VSTM4: variants seen among roughly 807,000 people sequenced by gnomAD.
The protein encoded by VSTM4 is V-set and transmembrane domain containing 4.
Under a neutral mutation model 36.4 loss-of-function variants are expected in VSTM4, and 20 were observed. The ratio of observed to expected loss-of-function variants is 0.55; its 90% confidence interval spans 0.39 to 0.80. The LOEUF is 0.80. VSTM4 is among the 30% of genes least tolerant of loss of function. The pLI is 0.00. For synonymous variants in VSTM4, 182 were observed against 173.9 expected (o/e 1.05, Z -0.37); for missense variants, 392 against 404.5 (o/e 0.97, Z 0.26).
intron 2 of VSTM4, among the ~76,000 whole-genome samples, chr10:49,093,460 T>G (rs1220951185): frequency 6.6e-6 from 1 of 152,232 alleles, no homozygotes; most frequent in African/African-American, 2.4e-5. Context: ...GAACACAGCT[T>G]TCAAGAAACA....
chr10:49,016,833 G>C lies in VSTM4; in HGVS notation c.*2817C>G, dbSNP rs1311497072. ...AGGCCTCGGGGCTTTGGCTTGGCAA[G>C]ACAGTTTCACCCAGGTGGATGCCCC... On this transcript the variant is annotated 3_prime_UTR_variant, in exon 8 of 8. Coordinates refer to ENST00000332853, the MANE Select transcript of VSTM4 (RefSeq NM_001031746.5). The C allele has an allele frequency of 6.6e-6, 1 of 152,272 alleles. No homozygotes were observed. The highest frequency in any genetic ancestry group is 2.4e-5 in the African/African-American group (1 of 41,466). 9.4% of individuals were successfully genotyped at this position (152,272 alleles called of 1,614,324 possible). A position where few individuals can be genotyped will look rare whatever the true frequency, so the allele number is the denominator to read the frequency against.
rs1843076324 is a variant in VSTM4, at chr10:49,014,591, C to G, written c.*5059G>C. On this transcript the variant is annotated 3_prime_UTR_variant, in exon 8 of 8. Transcript: ENST00000332853. ...ACAGCTCAGCGCCCACGTCTGTTAG[C>G]CTTAGGCACTGGGGAATGTTTTTTT... is the stretch of plus-strand genomic sequence containing the variant. 1 of 139,044 alleles carries G rather than the reference C, an allele frequency of 7.2e-6. No individual in the cohort carries two copies. The highest frequency in any genetic ancestry group is 2.2e-4 in the East Asian group (1 of 4,640). 8.6% of individuals were successfully genotyped at this position (139,044 alleles called of 1,614,324 possible). A position where few individuals can be genotyped will look rare whatever the true frequency, so the allele number is the denominator to read the frequency against.
At chr10:49,097,293 C>T (rs1243825832) in intron 2 of VSTM4, among the ~76,000 whole-genome samples, 2 of 152,204 alleles carry the variant, frequency 1.3e-5, no homozygotes, top group Non-Finnish European at 2.9e-5. Flanking sequence ...CACCGGGGGC[C>T]TCCTCCTGCT....
intron 7 of VSTM4, among the ~76,000 whole-genome samples, chr10:49,034,673 C>T (rs924203161): frequency 1.3e-5 from 2 of 152,134 alleles, no homozygotes; most frequent in Non-Finnish European, 1.5e-5. Flanking sequence ...GGGTGCCTAG[C>T]TTGATGTTAC....
At chr10:49,098,224 C>G (rs570510008) in intron 2 of VSTM4, among the ~76,000 whole-genome samples, 12 of 152,358 alleles carry the variant, frequency 7.9e-5, no homozygotes, top group Admixed American at 5.2e-4. Context: ...CAGGCCTCAG[C>G]CTTCCTCACC....
chr10:49,019,451 C>G lies in VSTM4; in HGVS notation c.*199G>C, dbSNP rs746597378. 1 of 545,908 alleles carries G rather than the reference C, an allele frequency of 1.8e-6. No individual in the cohort carries two copies. The highest frequency in any genetic ancestry group is 3.7e-5 in the East Asian group (1 of 26,832). The allele number at this position is 545,908 out of a possible 1,614,324, so 33.8% of individuals were successfully genotyped here. ...CCAGGCGCATCTTGTCCCGGGAGAT[C>G]TGTCAAGAGCTGTGGCCCCGATTCT... On this transcript the variant is annotated 3_prime_UTR_variant, in exon 8 of 8. Transcript: ENST00000332853.
At chr10:49,076,647 G>C (rs1489044009) in intron 4 of VSTM4, among the ~76,000 whole-genome samples, 1 of 152,094 alleles carries the variant, frequency 6.6e-6, no homozygotes, top group Non-Finnish European at 1.5e-5. Context: ...AGATATGAGA[G>C]TCATGAGAAC....
intron 4 of VSTM4, among the ~76,000 whole-genome samples, chr10:49,074,633 G>A (rs1414734973): frequency 6.6e-6 from 1 of 152,182 alleles, no homozygotes; most frequent in Non-Finnish European, 1.5e-5. Flanking sequence ...CCTGGCTCCT[G>A]GAGGTGCATG....
At chr10:49,065,812 T>TA (rs1358021768) in intron 4 of VSTM4, among the ~76,000 whole-genome samples, 1 of 152,158 alleles carries the variant, frequency 6.6e-6, no homozygotes, top group Non-Finnish European at 1.5e-5. Context: ...GGTGATCTGT[T>TA]ACGCAGCTTC....
intron 3 of VSTM4, among the ~76,000 whole-genome samples, chr10:49,080,772 G>C (rs745696681): frequency 6.6e-6 from 1 of 152,234 alleles, no homozygotes; most frequent in Non-Finnish European, 1.5e-5. Flanking sequence ...CTCCTAGGAA[G>C]CTACTGGGAA....
At chr10:49,103,443 C>G (rs1259844005) in intron 2 of VSTM4, 1 of 867,808 alleles carries the variant, frequency 1.2e-6, no homozygotes, top group Non-Finnish European at 1.4e-6. Context: ...TATGGTAAGT[C>G]ATTTTTATTT....
chr10:49,058,876 T>C (rs912848504), intron 5 of VSTM4, among the ~76,000 whole-genome samples: 14 of 152,070 alleles, frequency 9.2e-5, no homozygotes, highest in Admixed American at 1.3e-4. Flanking sequence ...TAGGAAGAAA[T>C]GGTCAGAAGC....
rs563816877 is a variant in VSTM4 at position 49,107,776 on chromosome 10, C to T, written c.275G>A (p.Arg92His). The change falls in exon 2 of 8, where the codon CGC (arginine) becomes CAC (histidine). Residue 92 changes from arginine (R) to histidine (H), a missense_variant. By Grantham distance (29) the Arg-to-His change is conservative. Coordinates refer to ENST00000332853, the MANE Select transcript of VSTM4 (RefSeq NM_001031746.5). ...RVVQYYGNFS[R>H]SAKRRRLRLL... ...GCGCAGCCTCCGCCGTTTGGCGCTGCGGCTGAAATTCCCATAGTACTGCAC... is the reference window on the plus strand; with the variant it reads ...GCGCAGCCTCCGCCGTTTGGCGCTGTGGCTGAAATTCCCATAGTACTGCAC... 1.4e-5 allele frequency: 22 copies of T among 1,614,250 alleles called. No individual in the cohort carries two copies. Among genetic ancestry groups the T allele is most frequent in the South Asian group, 3.3e-5 (3 of 91,090 alleles).
At chr10:49,077,980 C>G (rs546500534) in intron 3 of VSTM4, among the ~76,000 whole-genome samples, 32 of 146,222 alleles carry the variant, frequency 2.2e-4, no homozygotes, top group African/African-American at 8.1e-4. Flanking sequence ...CCACACAATC[C>G]TGTTGGAGAA....
chr10:49,029,739 C>T (rs11817325), intron 7 of VSTM4, among the ~76,000 whole-genome samples: 23,293 of 152,252 alleles, frequency 0.15, 2,334 homozygotes, highest in Non-Finnish European at 0.23. Context: ...AACAATCCCA[C>T]ACCACTCAGT....
At chr10:49,079,245 C>A (rs1455791824) in intron 3 of VSTM4, among the ~76,000 whole-genome samples, 1 of 152,076 alleles carries the variant, frequency 6.6e-6, no homozygotes, top group Non-Finnish European at 1.5e-5. Flanking sequence ...ACTCCGTCAC[C>A]CAGGCTGGAG....
Position 49,064,727 on chromosome 10 carries a change from T to C in VSTM4, c.644A>G (p.Tyr215Cys). The C allele has an allele frequency of 5.6e-6, 9 of 1,613,104 alleles. No homozygotes were observed. Among genetic ancestry groups the C allele is most frequent in the Non-Finnish European group, 7.6e-6 (9 of 1,179,674 alleles). Residue 215 changes from tyrosine to cysteine, a missense_variant, in exon 5 of 8, where the codon TAT becomes TGT. By Grantham distance (194) the Tyr-to-Cys change is radical. Transcript: ENST00000332853. ...CCTGTTCTGAGGGCATTTCACCAAA[T>C]AATGTCTCACTGTGAAAGGAAAAAT... ...FNKRKSRVRH[Y>C]LVKCPQNSSG...
chr10:49,051,023 G>T (rs57328384), intron 5 of VSTM4, among the ~76,000 whole-genome samples: 7,665 of 152,230 alleles, frequency 0.05, 218 homozygotes, highest in Middle Eastern at 0.12. Context: ...TAGGGCATTT[G>T]CTACAACTGA....
chr10:49,034,916 G>A (rs1843404380), intron 7 of VSTM4, among the ~76,000 whole-genome samples: 1 of 152,184 alleles, frequency 6.6e-6, no homozygotes, highest in African/African-American at 2.4e-5. Context: ...AAAATAAAAT[G>A]CAGAGAAAAA....
Sources: gnomAD v4.1 joint callset for allele counts (sites outside exome capture counted in the v4.1 genomes callset) on GRCh38, gnomAD v4.1.1 for gene constraint, MANE v1.5 for transcripts, NCBI Gene and HGNC (gene_info 2026-07-23, HGNC 2026-07-21) for gene names.